Variants in PACS1 observed in about 807,000 individuals in gnomAD.
PACS1 encodes the protein PACS-1.
PACS1 carries 24 observed loss-of-function variants against 115.0 expected under a neutral mutation model. The observed-to-expected ratio is 0.21, with a 90% confidence interval of 0.15 to 0.29. PACS1 has a LOEUF of 0.29. PACS1 is among the 10% of genes least tolerant of loss of function. The probability of loss-of-function intolerance (pLI) is 1.00; values close to 1 mark genes in which losing one functional copy is unlikely to be tolerated. For synonymous variants in PACS1, 453 were observed against 504.5 expected (o/e 0.90, Z 1.37); for missense variants, 838 against 1,251.2 (o/e 0.67, Z 4.98).
chr11:66,224,160 C>T (rs1245554960), intron 10 of PACS1, among the ~76,000 whole-genome samples: 4 of 137,062 alleles, frequency 2.9e-5, no homozygotes, highest in African/African-American at 1.1e-4. Context: ...CCCGCCACTG[C>T]ACTCCAGCCT....
chr11:66,232,937 G>A, intron 14 of PACS1, 23 bp from the exon 15 acceptor site: 1 of 1,572,716 alleles, frequency 6.4e-7, no homozygotes, highest in Non-Finnish European at 8.7e-7. Flanking sequence ...CTGTGTCCCT[G>A]CTCTCCTCCC....
At position 66,235,516 on chromosome 11, in the gene PACS1, G is replaced by A; in HGVS notation, c.2207+113G>A. On this transcript the variant is annotated intron_variant, in intron 18 of 23. Coordinates refer to ENST00000320580, the MANE Select transcript of PACS1 (RefSeq NM_018026.4). The surrounding 1 kb of genome is among the most constrained non-coding windows in gnomAD (Gnocchi z 5.6). Reference sequence around the variant, plus strand: ...CTCCACATGCTATATTCCTTCATAGGAACCCAAAAGGATATGAGTGGTTTT... The same window carrying A: ...CTCCACATGCTATATTCCTTCATAGAAACCCAAAAGGATATGAGTGGTTTT... The A allele has an allele frequency of 1.3e-6, 1 of 785,656 alleles. No individual in the cohort carries two copies. The highest frequency in any genetic ancestry group is 1.7e-5 in the South Asian group (1 of 59,066). The allele number at this position is 785,656 out of a possible 1,614,324, so 48.7% of individuals were successfully genotyped here.
intron 1 of PACS1, among the ~76,000 whole-genome samples, chr11:66,090,005 C>CAAAA (rs33912143): frequency 0.051 from 4,048 of 79,506 alleles, 363 homozygotes; most frequent in African/African-American, 0.15. Context: ...GACTCCATCT[C>CAAAA]AAAAAAAAAA....
intron 1 of PACS1, among the ~76,000 whole-genome samples, chr11:66,111,029 G>A (rs1858176105): frequency 6.6e-6 from 1 of 152,150 alleles, no homozygotes; most frequent in Non-Finnish European, 1.5e-5. Context: ...TGTCACTTAA[G>A]GATGAGAATG....
intron 1 of PACS1, among the ~76,000 whole-genome samples, chr11:66,103,373 T>C (rs938853934): frequency 3.9e-5 from 6 of 152,088 alleles, no homozygotes; most frequent in African/African-American, 7.2e-5. Flanking sequence ...TCTTGGTATC[T>C]ACAGCTCACT....
intron 1 of PACS1, among the ~76,000 whole-genome samples, chr11:66,146,050 A>T (rs576417831): frequency 6.6e-6 from 1 of 152,302 alleles, no homozygotes; most frequent in African/African-American, 2.4e-5. Context: ...TAAAACATCT[A>T]GTTTTTTAAA....
chr11:66,079,301 A>T (rs1318674628), intron 1 of PACS1, among the ~76,000 whole-genome samples: 4 of 42,430 alleles, frequency 9.4e-5, no homozygotes, highest in Admixed American at 2.7e-4. Context: ...TCTTTGTAGC[A>T]GGTTTTTTTT....
chr11:66,105,252 C>T (rs1858007885), intron 1 of PACS1, among the ~76,000 whole-genome samples: 1 of 152,042 alleles, frequency 6.6e-6, no homozygotes, highest in African/African-American at 2.4e-5. Context: ...GGAGAAACCC[C>T]ATCTCTACTA....
intron 1 of PACS1, among the ~76,000 whole-genome samples, chr11:66,077,144 T>C (rs1218373441): frequency 1.3e-5 from 2 of 152,240 alleles, no homozygotes; most frequent in African/African-American, 4.8e-5. Flanking sequence ...AGAATGGCTT[T>C]GGTCACAACT....
chr11:66,147,729 G>A (rs766205751), intron 1 of PACS1, among the ~76,000 whole-genome samples: 72 of 152,136 alleles, frequency 4.7e-4, no homozygotes, highest in Non-Finnish European at 2.2e-4. Context: ...GGGGTAGTGG[G>A]AGGGAAGTGG....
At chr11:66,177,751 C>T (rs1336137107) in intron 1 of PACS1, among the ~76,000 whole-genome samples, 3 of 152,140 alleles carry the variant, frequency 2.0e-5, no homozygotes, top group African/African-American at 7.2e-5. Context: ...GCTGGGCCCA[C>T]AGCTCTCACA....
intron 1 of PACS1, among the ~76,000 whole-genome samples, chr11:66,085,869 G>T (rs530319995): frequency 6.6e-5 from 10 of 152,286 alleles, no homozygotes; most frequent in African/African-American, 2.4e-4. Flanking sequence ...ACAGCACATT[G>T]GAAACTGGAG....
At chr11:66,136,925 CAT>C (rs1199049739) in intron 1 of PACS1, among the ~76,000 whole-genome samples, 3 of 151,988 alleles carry the variant, frequency 2.0e-5, no homozygotes, top group African/African-American at 4.8e-5. Context: ...CCAGCCTCAG[CAT>C]TGCCCACTTT....
chr11:66,166,453 C>T (rs1309705577), intron 1 of PACS1, among the ~76,000 whole-genome samples: 1 of 151,292 alleles, frequency 6.6e-6, no homozygotes, highest in Non-Finnish European at 1.5e-5. Context: ...AGCCTGATGT[C>T]ACATCTTACA....
chr11:66,145,555 G>A (rs1485161799), intron 1 of PACS1, among the ~76,000 whole-genome samples: 1 of 152,138 alleles, frequency 6.6e-6, no homozygotes. Flanking sequence ...GGGTCTGAAG[G>A]GCTGTCCACA....
intron 1 of PACS1, among the ~76,000 whole-genome samples, chr11:66,083,286 T>C (rs1245154461): frequency 6.6e-6 from 1 of 152,240 alleles, no homozygotes; most frequent in Non-Finnish European, 1.5e-5. Context: ...ATAAATTGTT[T>C]ATGCCCTTGC....
intron 1 of PACS1, among the ~76,000 whole-genome samples, chr11:66,140,267 C>T (rs1197995215): frequency 1.3e-5 from 2 of 152,192 alleles, no homozygotes; most frequent in Non-Finnish European, 2.9e-5. Flanking sequence ...TACAGCTGTG[C>T]TTGCAAACCG....
intron 2 of PACS1, among the ~76,000 whole-genome samples, chr11:66,194,582 C>G (rs1854607121): frequency 2.0e-5 from 3 of 152,162 alleles, no homozygotes; most frequent in Non-Finnish European, 4.4e-5. Flanking sequence ...AATCCCATCA[C>G]CAGACCTCCC....
intron 1 of PACS1, among the ~76,000 whole-genome samples, chr11:66,106,296 G>C (rs1475311829): frequency 1.3e-5 from 2 of 152,200 alleles, no homozygotes; most frequent in Non-Finnish European, 2.9e-5. Context: ...AAATGGCCGA[G>C]TGCAGTGGCT....
Sources: gnomAD v4.1 joint callset for allele counts (sites outside exome capture counted in the v4.1 genomes callset) on GRCh38, gnomAD v4.1.1 for gene constraint, Gnocchi (gnomAD v3.1) non-coding constraint, MANE v1.5 for transcripts, NCBI Gene and HGNC (gene_info 2026-07-23, HGNC 2026-07-21) for gene names.